PPP3CA: variants seen among roughly 807,000 people sequenced by gnomAD.
PPP3CA encodes the protein protein phosphatase 3 catalytic subunit alpha.
PPP3CA carries 14 observed loss-of-function variants against 66.5 expected under a neutral mutation model. The observed-to-expected ratio is 0.21, with a 90% CI of 0.14 to 0.33. The LOEUF (loss-of-function observed/expected upper bound fraction) is 0.33. PPP3CA is among the 10% of genes least tolerant of loss of function. The probability of loss-of-function intolerance (pLI) is 1.00; values close to 1 mark genes in which losing one functional copy is unlikely to be tolerated. For synonymous variants in PPP3CA, 232 were observed against 226.2 expected (o/e 1.03, Z -0.23); for missense variants, 317 against 639.5 (o/e 0.50, Z 5.44).
intron 1 of PPP3CA, among the ~76,000 whole-genome samples, chr4:101,202,222 C>T (rs1724987762): frequency 6.6e-6 from 1 of 152,028 alleles, no homozygotes. Context: ...TTTTAGATGA[C>T]TCCAGGAGAT....
chr4:101,265,003 C>T lies in PPP3CA; in HGVS notation c.59-68887G>A, dbSNP rs116294324. 5.0e-3 allele frequency among the ~76,000 whole-genome samples: 759 copies of T among 152,156 alleles called. 6 individuals are homozygous for T. The highest frequency in any genetic ancestry group is 0.017 in the African/African-American group (712 of 41,484). On this transcript the variant is annotated intron_variant, in intron 1 of 13. Transcript: ENST00000394854. Reference sequence around the variant, plus strand: ...AAGTAGCCTTCAGCTCTGGTCTAGACGATTAAAAGAAAAACAATTCAGGAG... The same window carrying T: ...AAGTAGCCTTCAGCTCTGGTCTAGATGATTAAAAGAAAAACAATTCAGGAG...
intron 1 of PPP3CA, among the ~76,000 whole-genome samples, chr4:101,323,613 T>G (rs1729108249): frequency 1.3e-5 from 2 of 152,360 alleles, no homozygotes; most frequent in Non-Finnish European, 2.9e-5. Flanking sequence ...TTGAAACCAT[T>G]AGGTTAAGAG....
chr4:101,329,566 A>C (rs1360278351), intron 1 of PPP3CA, among the ~76,000 whole-genome samples: 2 of 152,202 alleles, frequency 1.3e-5, no homozygotes, highest in African/African-American at 4.8e-5. Flanking sequence ...TATTGGAAGA[A>C]GATGCTGCCT....
At chr4:101,306,958 G>A (rs112452638) in intron 1 of PPP3CA, among the ~76,000 whole-genome samples, 1 of 152,070 alleles carries the variant, frequency 6.6e-6, no homozygotes, top group Non-Finnish European at 1.5e-5. Context: ...TCCTGGTAGA[G>A]AGCTGCTTCA....
At chr4:101,064,935 C>G (rs761030051) in intron 8 of PPP3CA, among the ~76,000 whole-genome samples, 1 of 151,906 alleles carries the variant, frequency 6.6e-6, no homozygotes, top group African/African-American at 2.4e-5. Context: ...AATGGTAAGG[C>G]CTTTGCTTTG....
intron 12 of PPP3CA, 110 bp from the exon 13 acceptor site, chr4:101,029,305 T>C: frequency 1.3e-6 from 1 of 748,548 alleles, no homozygotes. Flanking sequence ...CTAATGTTCC[T>C]GTAAGTGCTA....
chr4:101,058,515 A>G (rs1251365119), intron 10 of PPP3CA, among the ~76,000 whole-genome samples: 3 of 152,124 alleles, frequency 2.0e-5, no homozygotes, highest in Admixed American at 2.0e-4. Context: ...TAAAACTTAA[A>G]GAGTGGTAAA....
intron 1 of PPP3CA, among the ~76,000 whole-genome samples, chr4:101,257,498 T>C (rs1053644201): frequency 1.3e-5 from 2 of 151,916 alleles, no homozygotes; most frequent in African/African-American, 4.8e-5. Context: ...CAGAGACTAA[T>C]GGTTTAATAT....
intron 1 of PPP3CA, 37 bp downstream of exon 1, chr4:101,346,702 A>ACACGGTGCACCCAGGCCAC (rs1176653698): frequency 1.3e-6 from 2 of 1,581,364 alleles, no homozygotes; most frequent in Non-Finnish European, 1.7e-6. Context: ...CGCCTGCGGC[A>ACACGGTGCACCCAGGCCAC]CACGGTGCAC....
At chr4:101,255,463 G>A (rs551445148) in intron 1 of PPP3CA, among the ~76,000 whole-genome samples, 4 of 151,876 alleles carry the variant, frequency 2.6e-5, no homozygotes, top group Non-Finnish European at 5.9e-5. Flanking sequence ...TTGTTCACTA[G>A]CACTTATGAT....
At chr4:101,184,974 C>CA (rs1026787699) in intron 2 of PPP3CA, among the ~76,000 whole-genome samples, 1 of 151,978 alleles carries the variant, frequency 6.6e-6, no homozygotes, top group African/African-American at 2.4e-5. Flanking sequence ...GAGCAGGAGG[C>CA]AAAAAATTGC....
rs1726515167 is a variant in PPP3CA at position 101,247,223 on chromosome 4, G to A, written c.59-51107C>T. Among the ~76,000 whole-genome samples, 3 of 151,530 alleles carry A rather than the reference G, an allele frequency of 2.0e-5. No homozygotes were observed. The South Asian group carries it at 6.3e-4, about 32-fold the overall frequency. ...GTCACCCAGGCTGGAGTGCAGTGGT[G>A]CAATCTCAGCTCACTGGAACCTTCG... On this transcript the variant is annotated intron_variant, in intron 1 of 13. Coordinates refer to ENST00000394854, the MANE Select transcript of PPP3CA (RefSeq NM_000944.5).
intron 1 of PPP3CA, among the ~76,000 whole-genome samples, chr4:101,223,312 C>A (rs1560666909): frequency 6.6e-6 from 1 of 151,732 alleles, no homozygotes; most frequent in Non-Finnish European, 1.5e-5. Flanking sequence ...CTAATGCAAT[C>A]TCAGATTTAG....
chr4:101,085,090 G>T (rs1439929227), intron 6 of PPP3CA, among the ~76,000 whole-genome samples: 1 of 152,250 alleles, frequency 6.6e-6, no homozygotes, highest in Non-Finnish European at 1.5e-5. Context: ...ATACTGGTTG[G>T]TCTTTCAAAA....
chr4:101,066,328 C>A (rs986012605), intron 8 of PPP3CA, among the ~76,000 whole-genome samples: 23 of 152,114 alleles, frequency 1.5e-4, no homozygotes, highest in Non-Finnish European at 2.9e-4. Context: ...ACTAATTATT[C>A]ACCAGACTAA....
chr4:101,293,270 A>G (rs1248826369), intron 1 of PPP3CA, among the ~76,000 whole-genome samples: 1 of 152,112 alleles, frequency 6.6e-6, no homozygotes, highest in Non-Finnish European at 1.5e-5. Flanking sequence ...CACAGGTAAT[A>G]ATATTATCCC....
At chr4:101,345,489 C>G (rs941712626) in intron 1 of PPP3CA, among the ~76,000 whole-genome samples, 1 of 152,184 alleles carries the variant, frequency 6.6e-6, no homozygotes, top group Non-Finnish European at 1.5e-5. Flanking sequence ...ACACATTACA[C>G]CAGCCAGTGC....
intron 10 of PPP3CA, among the ~76,000 whole-genome samples, chr4:101,053,220 T>G (rs1728084815): frequency 1.3e-5 from 2 of 152,142 alleles, no homozygotes; most frequent in Admixed American, 1.3e-4. Flanking sequence ...TGATTTCAAT[T>G]TTACGTGCCA....
At chr4:101,296,425 A>G (rs1728201412) in intron 1 of PPP3CA, among the ~76,000 whole-genome samples, 1 of 152,248 alleles carries the variant, frequency 6.6e-6, no homozygotes, top group Admixed American at 6.5e-5. Context: ...TGTTCATTTT[A>G]CTGCTCCTTA....
Sources: allele counts gnomAD v4.1 joint callset (sites outside exome capture counted in the v4.1 genomes callset), GRCh38; gene constraint gnomAD v4.1.1; transcripts MANE v1.5; gene names NCBI Gene and HGNC (gene_info 2026-07-23, HGNC 2026-07-21).